The following SH3RF2 variants were observed in gnomAD, a reference collection of about 807,000 sequenced individuals.
SH3RF2 encodes the protein SH3 domain containing ring finger 2.
A neutral mutation model predicts 59.0 loss-of-function variants in SH3RF2; 43 were observed. The ratio of observed to expected loss-of-function variants is 0.73; its 90% CI spans 0.57 to 0.94. The LOEUF (loss-of-function observed/expected upper bound fraction) is 0.94, where lower values mean the gene tolerates loss of function less well. SH3RF2 is among the 40% of genes least tolerant of loss of function. The probability of loss-of-function intolerance (pLI) is 0.00; values close to 1 mark genes in which losing one functional copy is unlikely to be tolerated. For missense variants in SH3RF2, 930 were observed against 940.1 expected, an observed-to-expected ratio of 0.99 and a Z score of 0.14; for synonymous variants, 391 against 391.5, an observed-to-expected ratio of 1.00 and a Z score of 0.01.
chr5:146,045,399 C>T (rs1053729554), intron 5 of SH3RF2, among the ~76,000 whole-genome samples: 2 of 152,210 alleles, frequency 1.3e-5, no homozygotes, highest in African/African-American at 2.4e-5. Flanking sequence ...AGTATATTCA[C>T]AGATGTATAG....
intron 2 of SH3RF2, among the ~76,000 whole-genome samples, chr5:145,987,736 A>G (rs75101621): frequency 6.6e-6 from 1 of 151,732 alleles, no homozygotes; most frequent in Non-Finnish European, 1.5e-5. Flanking sequence ...ACTCAAAAAA[A>G]TATTTGTTGA....
chr5:145,982,310 T>C (rs1040032224), intron 2 of SH3RF2, among the ~76,000 whole-genome samples: 5 of 152,228 alleles, frequency 3.3e-5, no homozygotes, highest in African/African-American at 1.2e-4. Context: ...TCCTGGAGGC[T>C]TCTTCCTGAC....
At chr5:145,991,896 G>C (rs1266872420) in intron 2 of SH3RF2, among the ~76,000 whole-genome samples, 1 of 152,154 alleles carries the variant, frequency 6.6e-6, no homozygotes, top group Non-Finnish European at 1.5e-5. Context: ...GCCCCCATTT[G>C]AGTTAGAATA....
At chr5:146,080,965 A>G (rs1763415472) in exon 10 of SH3RF2, 1 of 151,924 alleles carries the variant, frequency 6.6e-6, no homozygotes, top group Admixed American at 6.6e-5. Context: ...TGCCCTGCTA[A>G]TTTTTTGTAT....
downstream of SH3RF2, among the ~76,000 whole-genome samples, chr5:146,064,468 T>A (rs1382263862): frequency 6.6e-6 from 1 of 151,242 alleles, no homozygotes. Context: ...TTGTTGTGAT[T>A]TAACATTTAT....
At chr5:146,048,261 G>T (rs747732017) in intron 6 of SH3RF2, among the ~76,000 whole-genome samples, 18 of 151,694 alleles carry the variant, frequency 1.2e-4, no homozygotes, top group Admixed American at 3.9e-4. Context: ...GCATCAGTGA[G>T]CTATGATCAT....
exon 10 of SH3RF2, chr5:146,079,390 T>C (rs1306732953): frequency 6.6e-6 from 1 of 152,240 alleles, no homozygotes; most frequent in African/African-American, 2.4e-5. Flanking sequence ...ACCGTGATGT[T>C]ATTTGAACCA....
chr5:145,996,945 C>T (rs971344257), intron 2 of SH3RF2, among the ~76,000 whole-genome samples: 6 of 152,132 alleles, frequency 3.9e-5, no homozygotes, highest in Non-Finnish European at 8.8e-5. Context: ...TGAGATGATC[C>T]ACATACACAC....
chr5:146,016,674 C>A (rs1761118788), intron 5 of SH3RF2, among the ~76,000 whole-genome samples: 1 of 152,174 alleles, frequency 6.6e-6, no homozygotes, highest in Non-Finnish European at 1.5e-5. Flanking sequence ...AAGCTCTTGT[C>A]ACTACACTAT....
At chr5:146,049,000 C>T in intron 6 of SH3RF2, 75 bp from the exon 7 acceptor site, 2 of 1,555,742 alleles carry the variant, frequency 1.3e-6, no homozygotes, top group East Asian at 2.2e-5. Context: ...AGTCTCTCTC[C>T]ACCATTCCCC....
chr5:145,964,463 C>A (rs73310202), intron 2 of SH3RF2, among the ~76,000 whole-genome samples: 11,919 of 151,830 alleles, frequency 0.079, 1,578 homozygotes, highest in African/African-American at 0.27. Flanking sequence ...CGCCCCACCA[C>A]GCCCCGCTAA....
downstream of SH3RF2, among the ~76,000 whole-genome samples, chr5:146,067,443 G>T (rs1763133389): frequency 6.6e-6 from 1 of 152,238 alleles, no homozygotes; most frequent in Non-Finnish European, 1.5e-5. Context: ...CATCTCTCAA[G>T]TCCTCATAAC....
At chr5:146,036,068 A>G (rs1761927398) in intron 5 of SH3RF2, among the ~76,000 whole-genome samples, 1 of 152,136 alleles carries the variant, frequency 6.6e-6, no homozygotes, top group South Asian at 2.1e-4. Context: ...ATTTAACCAT[A>G]ATTACTGCCA....
rs902799984 is a variant in SH3RF2 at position 145,998,585 on chromosome 5, C to A, written c.379-1473C>A. On this transcript the variant is annotated intron_variant, in intron 2 of 9. Coordinates refer to ENST00000359120, the MANE Select transcript of SH3RF2 (RefSeq NM_152550.4). ...CAATAAAGCTAATACCATAATAAAGCAAGTCAAACACTTTTTTTTCATTTC... is the reference window on the plus strand; with the variant it reads ...CAATAAAGCTAATACCATAATAAAGAAAGTCAAACACTTTTTTTTCATTTC... 3.3e-5 allele frequency among the ~76,000 whole-genome samples: 5 copies of A among 152,110 alleles called. 1 individual carries two copies. The highest frequency in any genetic ancestry group is 1.3e-4 in the Admixed American group (2 of 15,268).
At position 146,013,764 on chromosome 5, in the gene SH3RF2, A is replaced by T; in HGVS notation, c.762A>T (p.Arg254Ser). Residue 254 changes from arginine to serine, a missense_variant, in exon 5 of 10, where the codon AGA becomes AGT. By Grantham distance (110) the Arg-to-Ser change is moderately radical (BLOSUM62 -1). Transcript: ENST00000359120. ...ILFVEPNLTA[R>S]HLLEKNKGRQ... ...CTTTTCAGCCAAACCTCACCGCAAG[A>T]CACCTTTTAGAGAAGAACAAAGGTC... 6.2e-7 allele frequency: 1 copy of T among 1,613,994 alleles called. No individual in the cohort carries two copies. Among genetic ancestry groups the T allele is most frequent in the Non-Finnish European group, 8.5e-7 (1 of 1,179,958 alleles).
At chr5:146,057,360 C>T (rs1284591399) in intron 8 of SH3RF2, among the ~76,000 whole-genome samples, 1 of 152,172 alleles carries the variant, frequency 6.6e-6, no homozygotes, top group Non-Finnish European at 1.5e-5. Context: ...CCACCTCTCC[C>T]CACAACACAC....
chr5:145,958,773 C>A (rs1272301863), intron 2 of SH3RF2, among the ~76,000 whole-genome samples: 1 of 152,120 alleles, frequency 6.6e-6, no homozygotes, highest in Non-Finnish European at 1.5e-5. Flanking sequence ...TGCTTCTTGC[C>A]CGGGCCATTG....
chr5:145,942,950 T>A (rs1757873911), intron 2 of SH3RF2, among the ~76,000 whole-genome samples: 1 of 152,132 alleles, frequency 6.6e-6, no homozygotes, highest in African/African-American at 2.4e-5. Context: ...CTTAGGCAAG[T>A]CACTTAACCT....
chr5:146,064,664 GAGAAAGAAAGAA>G (rs869196873), downstream of SH3RF2, among the ~76,000 whole-genome samples: 73 of 4,232 alleles, frequency 0.017, 1 homozygote, highest in African/African-American at 0.03. Flanking sequence ...GAGAGAGAAA[GAGAAAGAAAGAA>G]AGAAAGAAAG....
Sources: gnomAD v4.1 joint callset for allele counts (sites outside exome capture counted in the v4.1 genomes callset) on GRCh38, gnomAD v4.1.1 for gene constraint, MANE v1.5 for transcripts, NCBI Gene and HGNC (gene_info 2026-07-23, HGNC 2026-07-21) for gene names.